Variants in INO80 observed in about 807,000 individuals in gnomAD.
INO80 encodes INO80 complex ATPase subunit.
In INO80, 20 loss-of-function variants were observed where a neutral mutation model predicts 203.4. The ratio of observed to expected loss-of-function variants is 0.10; its 90% CI spans 0.07 to 0.14. INO80 has a LOEUF of 0.14. INO80 is among the 10% of genes least tolerant of loss of function. The probability of loss-of-function intolerance (pLI) is 1.00; values close to 1 mark genes in which losing one functional copy is unlikely to be tolerated. For missense variants in INO80, 1,419 were observed against 1,914.4 expected (o/e 0.74, Z 4.83); for synonymous variants, 726 against 685.2 (o/e 1.06, Z -0.93).
In INO80 at chr15:40,997,743, C is replaced by T. The variant is rs2043898553; in HGVS notation, c.3498-142G>A. On this transcript the variant is annotated intron_variant, in intron 28 of 35. Transcript: ENST00000648947. ...TGGTTACCTAGGCCTGACTGTATTTCTGTAAAGCATTATACAATGTTGCTC... is the reference window on the plus strand; with the variant it reads ...TGGTTACCTAGGCCTGACTGTATTTTTGTAAAGCATTATACAATGTTGCTC... The T allele has an allele frequency of 5.3e-5, 32 of 600,716 alleles. No individual in the cohort carries two copies. In the South Asian group the frequency reaches 5.5e-4, roughly 10 times the overall value. The allele number at this position is 600,716 out of a possible 1,614,324, so 37.2% of individuals were successfully genotyped here. A position where few individuals can be genotyped will look rare whatever the true frequency, so the allele number is the denominator to read the frequency against.
rs754606380 is a variant in INO80, at chr15:40,980,172, G to C, written c.*51C>G. 30 of 1,456,384 alleles carry C rather than the reference G, an allele frequency of 2.1e-5. No homozygotes were observed. The African/African-American group carries it at 4.1e-4, about 20-fold the overall frequency. The allele number at this position is 1,456,384 out of a possible 1,614,324, so 90.2% of individuals were successfully genotyped here. A position where few individuals can be genotyped will look rare whatever the true frequency, so the allele number is the denominator to read the frequency against. ...CAAGCCATCCAAAGACCACTGGCAGGTCAGGACTCTAGCCCTGGTTTGGTT... is the reference window on the plus strand; with the variant it reads ...CAAGCCATCCAAAGACCACTGGCAGCTCAGGACTCTAGCCCTGGTTTGGTT... On this transcript the variant is annotated 3_prime_UTR_variant, in exon 36 of 36. Transcript: ENST00000648947.
At position 41,042,256 on chromosome 15, in the gene INO80, C is replaced by T. The variant is rs1005244996; in HGVS notation, c.2907+2648G>A. Reference sequence around the variant, plus strand: ...CTTGAATTCCTAACCTCAAGGGATCCGCCCACCTCATCCTCCCCAAGTGCT... The same window carrying T: ...CTTGAATTCCTAACCTCAAGGGATCTGCCCACCTCATCCTCCCCAAGTGCT... On this transcript the variant is annotated intron_variant, in intron 24 of 35. Transcript: ENST00000648947. Among the ~76,000 whole-genome samples, 23 of 152,038 alleles carry T rather than the reference C, an allele frequency of 1.5e-4. No homozygotes were observed. In the East Asian group the frequency reaches 4.1e-3, roughly 27 times the overall value.
At chr15:41,051,590 C>T (rs543667548) in intron 19 of INO80, among the ~76,000 whole-genome samples, 19 of 151,822 alleles carry the variant, frequency 1.3e-4, no homozygotes, top group South Asian at 8.3e-4. Context: ...GCAGGAGAAT[C>T]GCTTGAGCCC....
At chr15:41,021,373 G>C (rs2044291938) in intron 25 of INO80, among the ~76,000 whole-genome samples, 1 of 152,326 alleles carries the variant, frequency 6.6e-6, no homozygotes, top group South Asian at 2.1e-4. Flanking sequence ...GGAGTTTGCA[G>C]ATAAATGAGA....
intron 31 of INO80, among the ~76,000 whole-genome samples, chr15:40,986,843 T>C (rs2140413234): frequency 6.6e-6 from 1 of 152,192 alleles, no homozygotes; most frequent in African/African-American, 2.4e-5. Flanking sequence ...GCCAGGCTGG[T>C]CTCAAACTCA....
chr15:41,039,450 T>C (rs148717969), intron 24 of INO80, among the ~76,000 whole-genome samples: 1 of 152,366 alleles, frequency 6.6e-6, no homozygotes, highest in African/African-American at 2.4e-5. Context: ...ATTTTCAATA[T>C]GTGCATGAGT....
At chr15:41,038,352 A>T (rs973374678) in intron 24 of INO80, among the ~76,000 whole-genome samples, 6 of 151,988 alleles carry the variant, frequency 3.9e-5, no homozygotes, top group African/African-American at 1.5e-4. Context: ...CTTTTCTCTT[A>T]AAAAAGTCAA....
Position 41,005,673 on chromosome 15 carries a change from G to A in INO80, c.3417C>T (p.Tyr1139=). ...MIDLLEEYMV[Y]RKHTYMRLDG... ...CAAGCCTCATGTAGGTATGCTTCCT[G>A]TAAACCATGTATTCCTGCCAACCAG... The change falls in exon 28 of 36, where the codon TAC becomes TAT. Residue 1139 remains tyrosine (Y), a synonymous_variant. Coordinates refer to ENST00000648947, the MANE Select transcript of INO80 (RefSeq NM_017553.3). 6 of 1,590,978 alleles carry A rather than the reference G, an allele frequency of 3.8e-6. No homozygotes were observed. The highest frequency in any genetic ancestry group is 5.2e-6 in the Non-Finnish European group (6 of 1,159,606).
intron 29 of INO80, among the ~76,000 whole-genome samples, chr15:40,996,746 T>C (rs756977896): frequency 2.0e-5 from 3 of 152,214 alleles, no homozygotes; most frequent in African/African-American, 7.2e-5. Context: ...ACCCTTTTCA[T>C]TGCTCTCCAA....
At chr15:41,004,472 C>T (rs2044008219) in intron 28 of INO80, 1 of 152,118 alleles carries the variant, frequency 6.6e-6, no homozygotes, top group Non-Finnish European at 1.5e-5. Context: ...AATTAAAAGC[C>T]AAAGTCAAAG....
chr15:41,001,539 C>T (rs2043958517), intron 28 of INO80, among the ~76,000 whole-genome samples: 1 of 152,212 alleles, frequency 6.6e-6, no homozygotes, highest in African/African-American at 2.4e-5. Flanking sequence ...AAGAGTCACA[C>T]TGAGTGGTCA....
intron 24 of INO80, among the ~76,000 whole-genome samples, chr15:41,039,598 T>C (rs1232543664): frequency 6.6e-6 from 1 of 152,216 alleles, no homozygotes; most frequent in African/African-American, 2.4e-5. Flanking sequence ...GAAAAGGCTG[T>C]TCTGAAGGTA....
At chr15:41,097,871 T>C (rs2045748365) in intron 1 of INO80, among the ~76,000 whole-genome samples, 1 of 151,994 alleles carries the variant, frequency 6.6e-6, no homozygotes, top group Non-Finnish European at 1.5e-5. Context: ...GAGAATCACT[T>C]GAACCTGGGA....
rs1404429757 is a variant in INO80, at chr15:41,068,423, T to C, written c.1782+1147A>G. On this transcript the variant is annotated intron_variant, in intron 14 of 35. Transcript: ENST00000648947. The stretch of plus-strand genomic sequence containing the variant: ...CTAAAAATACAAAATTAGCCGGGCA[T>C]GGTGGCACATGCCTGTAATCCCAGC... Among the ~76,000 whole-genome samples, 3 of 152,026 alleles carry C rather than the reference T, an allele frequency of 2.0e-5. No homozygotes were observed. The East Asian group carries it at 5.8e-4, about 29-fold the overall frequency.
chr15:40,980,113 A>G lies in INO80; in HGVS notation c.*110T>C, dbSNP rs1893762149. On this transcript the variant is annotated 3_prime_UTR_variant, in exon 36 of 36. Transcript: ENST00000648947. ...TGTCCTTCCCCTGCTGGACATTTCC[A>G]CTTCTGACTCAGGATGCAAGATGCT... 1 of 878,716 alleles carries G rather than the reference A, an allele frequency of 1.1e-6. No individual in the cohort carries two copies. The allele number at this position is 878,716 out of a possible 1,614,324, so 54.4% of individuals were successfully genotyped here.
intron 1 of INO80, among the ~76,000 whole-genome samples, chr15:41,097,452 C>T (rs1400033313): frequency 6.6e-6 from 1 of 152,144 alleles, no homozygotes; most frequent in East Asian, 1.9e-4. Context: ...GACTAATAAG[C>T]CCACCAAATG....
At chr15:41,047,558 T>C (rs1204769784) in intron 22 of INO80, 57 bp from the exon 23 acceptor site, 3 of 1,192,976 alleles carry the variant, frequency 2.5e-6, no homozygotes, top group Non-Finnish European at 3.7e-6. Flanking sequence ...GATGCTCAGT[T>C]AAAGCCTGCT....
chr15:41,071,925 T>C lies in INO80; in HGVS notation c.1529A>G (p.Gln510Arg). The part of the protein sequence containing the change: ...PSIRAGEDIP[Q>R]PTIFNGKLKG... ...CAATTTGCCATTAAAAATTGTGGGC[T>C]GTGGAATATCCTCACCAGCCCGGAT... The change falls in exon 12 of 36, where the codon CAG becomes CGG. Residue 510 changes from glutamine (Q) to arginine (R), a missense_variant. This residue lies in a region of INO80 where 192 missense variants were observed against 406.7 expected (regional missense o/e 0.47). Coordinates refer to ENST00000648947, the MANE Select transcript of INO80 (RefSeq NM_017553.3). 1 of 1,614,162 alleles carries C rather than the reference T, an allele frequency of 6.2e-7. No homozygotes were observed. Among genetic ancestry groups the C allele is most frequent in the Non-Finnish European group, 8.5e-7 (1 of 1,180,018 alleles).
At chr15:41,112,000 G>A (rs1566954139) in intron 1 of INO80, among the ~76,000 whole-genome samples, 1 of 152,072 alleles carries the variant, frequency 6.6e-6, no homozygotes, top group Non-Finnish European at 1.5e-5. Flanking sequence ...AACCTTCCAG[G>A]CTCAACCAAA....
Sources: allele counts gnomAD v4.1 joint callset (sites outside exome capture counted in the v4.1 genomes callset), GRCh38; gene constraint gnomAD v4.1.1; regional missense constraint gnomAD v4.1.1; transcripts MANE v1.5; gene names NCBI Gene and HGNC (gene_info 2026-07-23, HGNC 2026-07-21).